Variants in MED14 observed in about 807,000 individuals in gnomAD.
MED14 encodes the protein mediator of RNA polymerase II transcription subunit 14.
A neutral mutation model predicts 109.0 loss-of-function variants in MED14; 8 were observed. The ratio of observed to expected loss-of-function variants is 0.07; its 90% CI spans 0.04 to 0.13. MED14 has a LOEUF of 0.13. Ranked by LOEUF, MED14 falls within the 10% of genes least tolerant of loss-of-function variation. The pLI, the probability that MED14 is intolerant of heterozygous loss-of-function variation, is 1.00. For missense variants in MED14, 711 were observed against 1,142.4 expected (o/e 0.62, Z 5.44); for synonymous variants, 399 against 408.7 (o/e 0.98, Z 0.29).
At chrX:40,671,021 C>A (rs1042795841) in intron 23 of MED14, among the ~76,000 whole-genome samples, 3 of 111,646 alleles carry the variant, frequency 2.7e-5, no homozygotes, top group African/African-American at 9.8e-5. Context: ...TTTTAAAAAT[C>A]ATTTAATTTC....
chrX:40,672,009 A>G, intron 22 of MED14, 37 bp from the exon 23 acceptor site: 1 of 883,030 alleles, frequency 1.1e-6, no homozygotes, highest in Non-Finnish European at 1.7e-6. Flanking sequence ...TAAAATGGCC[A>G]ACCGCACGGA....
At chrX:40,694,133 G>A (rs1216041773) in intron 13 of MED14, among the ~76,000 whole-genome samples, 14 of 111,273 alleles carry the variant, frequency 1.3e-4, no homozygotes, top group African/African-American at 4.6e-4. Flanking sequence ...TGCTGACCTC[G>A]GGTGATCCAC....
At chrX:40,653,533 A>G (rs1928949093) in intron 30 of MED14, among the ~76,000 whole-genome samples, 1 of 111,568 alleles carries the variant, frequency 9.0e-6, no homozygotes, top group Non-Finnish European at 1.9e-5. Context: ...ATTTAAAAAC[A>G]TAATTGTTAT....
At chrX:40,671,998 G>A (rs772788987) in intron 22 of MED14, 26 bp from the exon 23 acceptor site, 1 of 1,018,925 alleles carries the variant, frequency 9.8e-7, no homozygotes, top group Non-Finnish European at 1.4e-6. Flanking sequence ...TTAAATGTTG[G>A]TAAAATGGCC....
chrX:40,703,006 A>AG (rs1931010870), intron 11 of MED14, among the ~76,000 whole-genome samples: 1 of 112,025 alleles, frequency 8.9e-6, no homozygotes, highest in Non-Finnish European at 1.9e-5. Flanking sequence ...TGTTTAGGCC[A>AG]GAAAAAAAAA....
chrX:40,687,734 C>T (rs992890276), intron 16 of MED14, among the ~76,000 whole-genome samples: 2 of 111,515 alleles, frequency 1.8e-5, no homozygotes, highest in African/African-American at 6.5e-5. Context: ...CTCACCTCTC[C>T]TTCAGTCCAA....
intron 1 of MED14, among the ~76,000 whole-genome samples, chrX:40,730,373 G>A (rs927983237): frequency 2.7e-5 from 3 of 111,732 alleles, no homozygotes; most frequent in Admixed American, 9.5e-5. Context: ...CCTGTTAGAA[G>A]ACTGCAAATA....
Position 40,724,804 on chromosome X carries a change from T to C in MED14, c.348+1942A>G, listed in dbSNP as rs774024601. ...CTGAAACCAAAATTAGAAGAAATAA[T>C]AAATATCAGGGCAGAAATAAATGAA... On this transcript the variant is annotated intron_variant, in intron 3 of 30. Coordinates refer to ENST00000324817, the MANE Select transcript of MED14 (RefSeq NM_004229.4). Among the ~76,000 whole-genome samples the C allele has an allele frequency of 8.2e-5, 9 of 110,428 alleles. No individual in the cohort carries two copies. In the South Asian group the frequency reaches 3.0e-3, roughly 37 times the overall value.
In MED14 at chrX:40,712,217, C is replaced by T; in HGVS notation, c.858G>A (p.Glu286=). ...AGTTGTACATATCCTGAAGAGGTTTCTCATCAGCAAAGAGCCTAGACTGCA... is the reference window on the plus strand; with the variant it reads ...AGTTGTACATATCCTGAAGAGGTTTTTCATCAGCAAAGAGCCTAGACTGCA... ...QLVQSRLFAD[E]KPLQDMYNCL... Residue 286 remains glutamate, a synonymous_variant, in exon 7 of 31, where the codon GAG becomes GAA. Coordinates refer to ENST00000324817, the MANE Select transcript of MED14 (RefSeq NM_004229.4). 1 of 1,206,987 alleles carries T rather than the reference C, an allele frequency of 8.3e-7. No homozygotes were observed. Among genetic ancestry groups the T allele is most frequent in the Non-Finnish European group, 1.1e-6 (1 of 892,725 alleles).
At chrX:40,732,650 C>A (rs907154798) in intron 1 of MED14, among the ~76,000 whole-genome samples, 6 of 110,797 alleles carry the variant, frequency 5.4e-5, no homozygotes, top group African/African-American at 1.6e-4. Context: ...CGTGGTGGCG[C>A]ATGCCTGTAG....
In MED14 at chrX:40,709,405, G is replaced by A; in HGVS notation, c.1228C>T (p.His410Tyr). ...GCCTTCAGTTCTTGGAGCTTCTGAT[G>A]AGCTCTTGCATGGACACTGTCAATC... is the stretch of plus-strand genomic sequence containing the variant. ...LLIDSVHARA[H>Y]QKLQELKAIL... The change falls in exon 10 of 31, where the codon CAT becomes TAT. Residue 410 changes from histidine to tyrosine, a missense_variant. By Grantham distance (83) the His-to-Tyr change is moderately conservative (BLOSUM62 2). Coordinates refer to ENST00000324817, the MANE Select transcript of MED14 (RefSeq NM_004229.4). 8.7e-7 allele frequency: 1 copy of A among 1,155,920 alleles called. No homozygotes were observed. The highest frequency in any genetic ancestry group is 1.2e-6 in the Non-Finnish European group (1 of 859,790).
intron 2 of MED14, among the ~76,000 whole-genome samples, chrX:40,727,128 C>T (rs1487023309): frequency 9.0e-6 from 1 of 111,725 alleles, no homozygotes; most frequent in Admixed American, 9.5e-5. Flanking sequence ...AAGTTGTTTA[C>T]AAAAATATAC....
intron 30 of MED14, among the ~76,000 whole-genome samples, 158 bp from the exon 31 acceptor site, chrX:40,652,037 G>A (rs1928898601): frequency 8.9e-6 from 1 of 112,250 alleles, no homozygotes; most frequent in African/African-American, 3.2e-5. Context: ...ATTAAGCTGT[G>A]GTGTTAAGTA....
At chrX:40,733,935 C>T (rs1932166008) in intron 1 of MED14, among the ~76,000 whole-genome samples, 1 of 112,107 alleles carries the variant, frequency 8.9e-6, no homozygotes, top group African/African-American at 3.3e-5. Context: ...TAACTACATA[C>T]TTATTCTACG....
chrX:40,681,411 GA>G (rs201882286), intron 19 of MED14, among the ~76,000 whole-genome samples: 2,185 of 110,229 alleles, frequency 0.02, 50 homozygotes, highest in African/African-American at 0.069. Context: ...TATGAGGTGG[GA>G]AAAAAAATAA....
intron 15 of MED14, 72 bp downstream of exon 15, chrX:40,692,111 T>C: frequency 9.9e-7 from 1 of 1,008,975 alleles, no homozygotes; most frequent in Non-Finnish European, 1.4e-6. Flanking sequence ...GGAATCTATA[T>C]ATACCCTCAG....
intron 13 of MED14, among the ~76,000 whole-genome samples, chrX:40,695,627 T>C (rs1250748437): frequency 2.7e-5 from 3 of 112,665 alleles, no homozygotes; most frequent in Non-Finnish European, 5.6e-5. Flanking sequence ...GATCTTTGTA[T>C]GTTCATGGGT....
At chrX:40,663,905 C>T (rs1929381282) in intron 25 of MED14, among the ~76,000 whole-genome samples, 1 of 111,458 alleles carries the variant, frequency 9.0e-6, no homozygotes, top group African/African-American at 3.3e-5. Context: ...CTTTTGTATG[C>T]TAATGAGATG....
intron 26 of MED14, among the ~76,000 whole-genome samples, chrX:40,660,118 TTG>T (rs1261723581): frequency 9.0e-6 from 1 of 111,662 alleles, no homozygotes; most frequent in Non-Finnish European, 1.9e-5. Flanking sequence ...ATGGTGCAGG[TTG>T]TGTTTTTTGT....
Sources: allele counts gnomAD v4.1 joint callset (sites outside exome capture counted in the v4.1 genomes callset), GRCh38; gene constraint gnomAD v4.1.1; transcripts MANE v1.5; gene names NCBI Gene and HGNC (gene_info 2026-07-23, HGNC 2026-07-21).